Variants in TENM1 observed in about 807,000 individuals in gnomAD.
TENM1 encodes teneurin transmembrane protein 1.
In TENM1, 35 loss-of-function variants were observed where a neutral mutation model predicts 174.8. That is an observed-to-expected ratio of 0.20 (90% confidence interval 0.15 to 0.27). TENM1 has a LOEUF of 0.27. TENM1 is among the 10% of genes least tolerant of loss of function. The probability of loss-of-function intolerance (pLI) is 1.00; values close to 1 mark genes in which losing one functional copy is unlikely to be tolerated. For synonymous variants in TENM1, 781 were observed against 798.7 expected (o/e 0.98, Z 0.37); for missense variants, 1,633 against 2,130.1 (o/e 0.77, Z 4.59).
At chrX:124,854,145 A>G (rs1603247118) in intron 3 of TENM1, among the ~76,000 whole-genome samples, 1 of 111,448 alleles carries the variant, frequency 9.0e-6, no homozygotes, top group East Asian at 2.8e-4. Flanking sequence ...AGGGTTTCAG[A>G]TGAGCTGCCT....
Position 124,503,905 on chromosome X carries a change from C to T in TENM1, c.3302-202G>A, listed in dbSNP as rs145203351. On this transcript the variant is annotated intron_variant, in intron 18 of 31. Coordinates refer to ENST00000422452, the Ensembl canonical transcript of TENM1. ...TCACTCAAAAGTGATCAGGGCATAT[C>T]GGATAAATATATGAAGGAGTGAGTA... Among the ~76,000 whole-genome samples the T allele has an allele frequency of 6.6e-3, 742 of 111,658 alleles. 6 individuals carry two copies. The highest frequency in any genetic ancestry group is 0.011 in the Non-Finnish European group (575 of 53,080).
chrX:125,060,724 G>A, the TENM1 span, among the ~76,000 whole-genome samples: 1 of 110,214 alleles, frequency 9.1e-6, no homozygotes, highest in East Asian at 2.9e-4. Flanking sequence ...GAATACTCAC[G>A]AGGCAGCTTA....
intron 3 of TENM1, among the ~76,000 whole-genome samples, chrX:124,873,232 G>GA (rs1170589712): frequency 1.1e-4 from 12 of 108,464 alleles, no homozygotes; most frequent in South Asian, 3.9e-4. Flanking sequence ...GAGCATGCAG[G>GA]AAAAAAAAAT....
chrX:125,172,139 GTTAGGACTT>G, the TENM1 span, among the ~76,000 whole-genome samples: 1 of 111,630 alleles, frequency 9.0e-6, no homozygotes, highest in Non-Finnish European at 1.9e-5. Flanking sequence ...TAAAAATGCT[GTTAGGACTT>G]TTAAAAATGA....
intron 15 of TENM1, among the ~76,000 whole-genome samples, chrX:124,535,529 A>G (rs1408244633): frequency 8.9e-6 from 1 of 111,832 alleles, no homozygotes; most frequent in Non-Finnish European, 1.9e-5. Flanking sequence ...AAATTCAGAG[A>G]TTATAAAATG....
At position 124,788,105 on chromosome X, in the gene TENM1, C is replaced by T. The variant is rs763898404; in HGVS notation, c.536-50908G>A. ...TGACAGCAGCCCAGAAAAGACCTGC[C>T]CCTATAATTCAATAATCTCCCCCCA... is the stretch of plus-strand genomic sequence containing the variant. On this transcript the variant is annotated intron_variant, in intron 3 of 31. Coordinates refer to ENST00000422452, the Ensembl canonical transcript of TENM1. Among the ~76,000 whole-genome samples the T allele has an allele frequency of 5.4e-3, 598 of 111,310 alleles. 2 individuals are homozygous for T. The highest frequency in any genetic ancestry group is 8.8e-3 in the Non-Finnish European group (467 of 53,028).
chrX:124,740,604 T>C (rs2053777162), intron 3 of TENM1, among the ~76,000 whole-genome samples: 1 of 111,837 alleles, frequency 8.9e-6, no homozygotes, highest in African/African-American at 3.3e-5. Context: ...ATATTGTCTT[T>C]AAACGCTTTC....
In TENM1 at chrX:124,503,448, G is replaced by C; in HGVS notation, c.3445+112C>G. ...TTATGTTTAATGCGGTCATCTCTAAGTAGTATTCTCACAAGTAATTTTTAT... is the reference window on the plus strand; with the variant it reads ...TTATGTTTAATGCGGTCATCTCTAACTAGTATTCTCACAAGTAATTTTTAT... On this transcript the variant is annotated intron_variant, in intron 19 of 31. Coordinates refer to ENST00000422452, the Ensembl canonical transcript of TENM1. 5 of 659,058 alleles carry C rather than the reference G, an allele frequency of 7.6e-6. No homozygotes were observed. The East Asian group carries it at 1.7e-4, about 22-fold the overall frequency. The allele number at this position is 659,058 out of a possible 1,213,427, so 54.3% of individuals were successfully genotyped here.
intron 18 of TENM1, among the ~76,000 whole-genome samples, chrX:124,509,713 A>ATTTTTTTTTTTTTTTTTTTTTTTT (rs753100747): frequency 1.3e-5 from 1 of 75,886 alleles, no homozygotes; most frequent in Non-Finnish European, 2.4e-5. Context: ...ACTTTCTGGA[A>ATTTTTTTTTTTTTTTTTTTTTTTT]TTTTTTTTTT....
At chrX:124,600,047 T>G (rs990351910) in intron 11 of TENM1, among the ~76,000 whole-genome samples, 2 of 110,249 alleles carry the variant, frequency 1.8e-5, no homozygotes, top group Admixed American at 9.7e-5. Flanking sequence ...TGTGTATATA[T>G]ATATATAAAT....
chrX:125,000,558 A>T, the TENM1 span, among the ~76,000 whole-genome samples: 1 of 112,205 alleles, frequency 8.9e-6, no homozygotes, highest in East Asian at 2.8e-4. Flanking sequence ...ATGTTAAGTT[A>T]GATTCTGGCA....
the TENM1 span, among the ~76,000 whole-genome samples, chrX:125,031,612 G>A: frequency 8.9e-6 from 1 of 111,991 alleles, no homozygotes; most frequent in Non-Finnish European, 1.9e-5. Flanking sequence ...CATCACCTAG[G>A]TATTTACAAA....
intron 11 of TENM1, among the ~76,000 whole-genome samples, chrX:124,599,454 T>C (rs995040444): frequency 9.0e-6 from 1 of 110,975 alleles, no homozygotes; most frequent in Non-Finnish European, 1.9e-5. Flanking sequence ...CCAGTAAAAA[T>C]GGTCATTGAA....
At chrX:124,405,221 C>A (rs781291485) in exon 27 of TENM1, 1 of 1,209,357 alleles carries the variant, frequency 8.3e-7, no homozygotes, top group Non-Finnish European at 1.1e-6. Context: ...AAAAGTGACA[C>A]GCAGGGAACC....
chrX:125,161,377 GT>G, the TENM1 span, among the ~76,000 whole-genome samples: 1 of 110,923 alleles, frequency 9.0e-6, no homozygotes, highest in South Asian at 3.7e-4. Context: ...TATTTTTACT[GT>G]TTTTTTTCTA....
chrX:124,791,516 C>T (rs776232525), intron 3 of TENM1, among the ~76,000 whole-genome samples: 31 of 111,879 alleles, frequency 2.8e-4, no homozygotes, highest in Non-Finnish European at 4.7e-4. Flanking sequence ...GGACAAAAAA[C>T]GCTTCTTTTC....
intron 11 of TENM1, among the ~76,000 whole-genome samples, chrX:124,637,466 C>G (rs764558663): frequency 2.7e-5 from 3 of 111,310 alleles, no homozygotes; most frequent in African/African-American, 9.8e-5. Flanking sequence ...ATCAAGTTTG[C>G]GTCATTTTTT....
intron 5 of TENM1, among the ~76,000 whole-genome samples, chrX:124,690,959 C>T (rs1285870723): frequency 9.0e-6 from 1 of 110,565 alleles, no homozygotes; most frequent in Non-Finnish European, 1.9e-5. Context: ...CAGACTAAGA[C>T]ATGCATATAT....
rs746885020 is a variant in TENM1, at chrX:124,517,518, C to T, written c.3301+2999G>A. On this transcript the variant is annotated intron_variant, in intron 18 of 31. Transcript: ENST00000422452. The stretch of plus-strand genomic sequence containing the variant: ...TGAGTTCATGTCCTTTGTAGGGACA[C>T]GGATGAAGCTGGAAACCGTCATTCT... Among the ~76,000 whole-genome samples the T allele has an allele frequency of 2.6e-3, 278 of 108,445 alleles. 1 individual carries two copies. Among genetic ancestry groups the T allele is most frequent in the Non-Finnish European group, 3.9e-3 (206 of 52,358 alleles). The allele number at this position is 108,445 out of a possible 115,157, so 94.2% of individuals were successfully genotyped here.
Sources: allele counts gnomAD v4.1 joint callset (sites outside exome capture counted in the v4.1 genomes callset), GRCh38; gene constraint gnomAD v4.1.1; transcripts MANE v1.5; gene names NCBI Gene and HGNC (gene_info 2026-07-23, HGNC 2026-07-21).